TMEM63C: variants seen among roughly 807,000 people sequenced by gnomAD.
The protein encoded by TMEM63C is transmembrane protein 63C, also known as osmosensitive cation channel TMEM63C.
TMEM63C carries 32 observed loss-of-function variants against 99.2 expected under a neutral mutation model. The ratio of observed to expected loss-of-function variants is 0.32; its 90% CI spans 0.24 to 0.43. TMEM63C has a LOEUF of 0.43. TMEM63C is among the 20% of genes least tolerant of loss of function. TMEM63C has a pLI of 1.00. For synonymous variants in TMEM63C, 376 were observed against 397.9 expected, an observed-to-expected ratio of 0.94 and a Z score of 0.66; for missense variants, 826 against 1,053.0, an observed-to-expected ratio of 0.78 and a Z score of 2.98.
intron 1 of TMEM63C, among the ~76,000 whole-genome samples, chr14:77,208,037 CTT>C (rs1888433828): frequency 6.6e-6 from 1 of 151,830 alleles, no homozygotes; most frequent in African/African-American, 2.4e-5. Flanking sequence ...CTGGGCAAGT[CTT>C]TTAACCTCTC....
chr14:77,215,377 G>A (rs1714714348), intron 2 of TMEM63C, among the ~76,000 whole-genome samples: 1 of 151,846 alleles, frequency 6.6e-6, no homozygotes, highest in South Asian at 2.1e-4. Context: ...GAGGTGGGTG[G>A]GTCACCTGAG....
intron 5 of TMEM63C, among the ~76,000 whole-genome samples, chr14:77,220,629 C>G (rs2140109779): frequency 6.6e-6 from 1 of 152,230 alleles, no homozygotes; most frequent in East Asian, 1.9e-4. Flanking sequence ...GAGCTGGGGA[C>G]CAAGTCCTGC....
At chr14:77,191,766 A>C (rs1888114975) in intron 1 of TMEM63C, among the ~76,000 whole-genome samples, 1 of 149,104 alleles carries the variant, frequency 6.7e-6, no homozygotes. Context: ...CTGGTCTCGA[A>C]CTCCCGACCT....
Position 77,233,585 on chromosome 14 carries a change from G to A in TMEM63C, c.542+85G>A, listed in dbSNP as rs868658692. 8 of 1,449,434 alleles carry A rather than the reference G, an allele frequency of 5.5e-6. No homozygotes were observed. In the African/African-American group the frequency reaches 8.4e-5, roughly 15 times the overall value. The allele number at this position is 1,449,434 out of a possible 1,614,324, so 89.8% of individuals were successfully genotyped here. A position where few individuals can be genotyped will look rare whatever the true frequency, so the allele number is the denominator to read the frequency against. On this transcript the variant is annotated intron_variant, in intron 8 of 23. Transcript: ENST00000298351. ...GTCTAACATGTCAGTTTGCAACATG[G>A]GCAGCGTTTTGCTGATAAGAAAGGC...
chr14:77,238,359 C>T (rs1889098077), intron 9 of TMEM63C, among the ~76,000 whole-genome samples: 1 of 152,262 alleles, frequency 6.6e-6, no homozygotes, highest in African/African-American at 2.4e-5. Flanking sequence ...TCCTCCACCC[C>T]AGCCTGATGG....
Position 77,256,931 on chromosome 14 carries a change from G to A in TMEM63C, c.*205G>A. Reference sequence around the variant, plus strand: ...GGAACTGGGGGTGCTCGGCAGTGCTGAAGGAGCCTGGGAAGGGATGGGAGG... The same window carrying A: ...GGAACTGGGGGTGCTCGGCAGTGCTAAAGGAGCCTGGGAAGGGATGGGAGG... On this transcript the variant is annotated 3_prime_UTR_variant, in exon 24 of 24. Transcript: ENST00000298351. 3.4e-6 allele frequency: 2 copies of A among 585,646 alleles called. No homozygotes were observed. The highest frequency in any genetic ancestry group is 4.3e-5 in the South Asian group (2 of 46,878). The allele number at this position is 585,646 out of a possible 1,614,324, so 36.3% of individuals were successfully genotyped here. A position where few individuals can be genotyped will look rare whatever the true frequency, so the allele number is the denominator to read the frequency against.
rs1163137202 is a variant in TMEM63C at position 77,187,945 on chromosome 14, G to T, written c.-77+6051G>T. Among the ~76,000 whole-genome samples, 8 of 152,184 alleles carry T rather than the reference G, an allele frequency of 5.3e-5. No individual in the cohort carries two copies. The East Asian group carries it at 5.8e-4, about 11-fold the overall frequency. On this transcript the variant is annotated intron_variant, in intron 1 of 23. Transcript: ENST00000298351. Reference sequence around the variant, plus strand: ...CCACTCAGGGGTTATTTGTGTGTGGGGCGGGGGGATGTGTCAGATGCCCTT... The same window carrying T: ...CCACTCAGGGGTTATTTGTGTGTGGTGCGGGGGGATGTGTCAGATGCCCTT...
chr14:77,220,934 ACGCCTCCCCTCCCACTCT>A (rs1256529418), intron 5 of TMEM63C, among the ~76,000 whole-genome samples: 2 of 5,136 alleles, frequency 3.9e-4, no homozygotes, highest in African/African-American at 6.9e-4. Context: ...TCTCCCACCC[ACGCCTCCCCTCCCACTCT>A]CGCCTCCCCT....
At chr14:77,185,916 G>C (rs755541821) in intron 1 of TMEM63C, among the ~76,000 whole-genome samples, 4 of 152,028 alleles carry the variant, frequency 2.6e-5, no homozygotes, top group Non-Finnish European at 4.4e-5. Context: ...CTTGGGGCCT[G>C]GTGACCAGGA....
At chr14:77,188,821 G>C (rs1888050242) in intron 1 of TMEM63C, among the ~76,000 whole-genome samples, 1 of 151,180 alleles carries the variant, frequency 6.6e-6, no homozygotes, top group Non-Finnish European at 1.5e-5. Context: ...AGCTATGATT[G>C]TGCCACTGCA....
intron 16 of TMEM63C, among the ~76,000 whole-genome samples, chr14:77,245,701 C>T (rs1889258710): frequency 6.6e-6 from 1 of 152,202 alleles, no homozygotes; most frequent in Non-Finnish European, 1.5e-5. Flanking sequence ...CATCAGATCT[C>T]ACGAGACTTA....
intron 7 of TMEM63C, among the ~76,000 whole-genome samples, 178 bp from the exon 8 acceptor site, chr14:77,233,274 A>G (rs1242030427): frequency 6.6e-6 from 1 of 152,036 alleles, no homozygotes; most frequent in Non-Finnish European, 1.5e-5. Flanking sequence ...AGTGCCAGGG[A>G]AAAGAGGCCT....
In TMEM63C at chr14:77,259,071, G is replaced by C. The variant is rs1297411392; in HGVS notation, c.*2345G>C. On this transcript the variant is annotated 3_prime_UTR_variant, in exon 24 of 24. Transcript: ENST00000298351. ...TAGCCTCCCCCCGCCACCACATCCA[G>C]GCCCTCTCAGGCACCTCCTGCCTCA... 6.5e-6 allele frequency: 1 copy of C among 152,700 alleles called. No individual in the cohort carries two copies. Among genetic ancestry groups the C allele is most frequent in the Non-Finnish European group, 1.5e-5 (1 of 68,654 alleles). 9.5% of individuals were successfully genotyped at this position (152,700 alleles called of 1,614,324 possible). A position where few individuals can be genotyped will look rare whatever the true frequency, so the allele number is the denominator to read the frequency against.
At chr14:77,221,496 A>C (rs1218347798) in intron 5 of TMEM63C, among the ~76,000 whole-genome samples, 4 of 10,770 alleles carry the variant, frequency 3.7e-4, no homozygotes, top group East Asian at 2.5e-3. Context: ...CTCCCCTCCT[A>C]CTCTCGCCTC....
In TMEM63C at chr14:77,259,156, GCCAGCCACTTC is replaced by G. The variant is rs1889535572; in HGVS notation, c.*2437_*2447del. 1 of 144,402 alleles carries G rather than the reference GCCAGCCACTTC, an allele frequency of 6.9e-6. No homozygotes were observed. The highest frequency in any genetic ancestry group is 1.5e-5 in the Non-Finnish European group (1 of 66,108). The allele number at this position is 144,402 out of a possible 1,614,324, so 8.9% of individuals were successfully genotyped here. On this transcript the variant is annotated 3_prime_UTR_variant, in exon 24 of 24. Transcript: ENST00000298351. The stretch of plus-strand genomic sequence containing the variant: ...CCACCTACTGCCATCCCACTCCTCT[GCCAGCCACTTC>G]CCAGCCGCCCCACCCCACTCCATCC...
chr14:77,198,662 G>A (rs958277225), intron 1 of TMEM63C, among the ~76,000 whole-genome samples: 5 of 152,182 alleles, frequency 3.3e-5, no homozygotes, highest in South Asian at 4.1e-4. Context: ...AATTGTCCTC[G>A]CCTGGCCTCC....
At chr14:77,207,444 A>G (rs1888420535) in intron 1 of TMEM63C, among the ~76,000 whole-genome samples, 2 of 152,224 alleles carry the variant, frequency 1.3e-5, no homozygotes, top group East Asian at 3.8e-4. Context: ...GATGTAGTAC[A>G]GATGTGGGAG....
rs1038487297 is a variant in TMEM63C at position 77,241,112 on chromosome 14, G to A, written c.1064+504G>A. On this transcript the variant is annotated intron_variant, in intron 13 of 23. Transcript: ENST00000298351. Reference sequence around the variant, plus strand: ...ATTACAGGTGCCTGCCACCATGCCCGGCTAATGTTTGTATTTTTAGTAGAG... The same window carrying A: ...ATTACAGGTGCCTGCCACCATGCCCAGCTAATGTTTGTATTTTTAGTAGAG... 4.0e-5 allele frequency among the ~76,000 whole-genome samples: 6 copies of A among 151,880 alleles called. No individual in the cohort carries two copies. In the South Asian group the frequency reaches 6.3e-4, roughly 16 times the overall value.
chr14:77,251,919 TC>T (rs771645246), intron 22 of TMEM63C, 21 bp downstream of exon 22: 1 of 1,572,896 alleles, frequency 6.4e-7, no homozygotes, highest in Admixed American at 1.7e-5. Flanking sequence ...AGCCTGCCCC[TC>T]CTCCTGGTTC....
Sources: gnomAD v4.1 joint callset for allele counts (sites outside exome capture counted in the v4.1 genomes callset) on GRCh38, gnomAD v4.1.1 for gene constraint, MANE v1.5 for transcripts, NCBI Gene and HGNC (gene_info 2026-07-23, HGNC 2026-07-21) for gene names.